Variants in ADAMTS19 observed in about 807,000 individuals in gnomAD.
ADAMTS19 encodes the protein A disintegrin and metalloproteinase with thrombospondin motifs 19.
Under a neutral mutation model 153.3 loss-of-function variants are expected in ADAMTS19, and 93 were observed. The observed-to-expected ratio is 0.61, with a 90% CI of 0.51 to 0.72. The LOEUF is 0.72. ADAMTS19 is among the 30% of genes least tolerant of loss of function. The pLI, the probability that ADAMTS19 is intolerant of heterozygous loss-of-function variation, is 0.00. For missense variants in ADAMTS19, 1,482 were observed against 1,552.1 expected (o/e 0.95, Z 0.76); for synonymous variants, 600 against 556.6 (o/e 1.08, Z -1.10).
At chr5:129,556,307 A>G (rs1187519152) in intron 7 of ADAMTS19, among the ~76,000 whole-genome samples, 6 of 152,218 alleles carry the variant, frequency 3.9e-5, no homozygotes, top group South Asian at 2.1e-4. Flanking sequence ...TGAATGGCTT[A>G]CCAGGGTTGT....
At chr5:129,493,357 T>C (rs900585500) in intron 2 of ADAMTS19, among the ~76,000 whole-genome samples, 6 of 135,554 alleles carry the variant, frequency 4.4e-5, no homozygotes, top group Admixed American at 1.5e-4. Flanking sequence ...CTTGTTTTTA[T>C]TTTTTTGTGA....
At chr5:129,578,909 CATGTGTCTTTAT>C (rs1166746251) in intron 7 of ADAMTS19, among the ~76,000 whole-genome samples, 2 of 152,110 alleles carry the variant, frequency 1.3e-5, no homozygotes, top group African/African-American at 4.8e-5. Flanking sequence ...CATACGTGTG[CATGTGTCTTTAT>C]AGTAGAATGA....
At chr5:129,548,740 A>G (rs1013659663) in intron 6 of ADAMTS19, among the ~76,000 whole-genome samples, 10 of 151,964 alleles carry the variant, frequency 6.6e-5, no homozygotes, top group Admixed American at 4.6e-4. Context: ...TGTTCATTGC[A>G]GCACTATTTA....
At chr5:129,494,933 A>G (rs1441943370) in intron 2 of ADAMTS19, among the ~76,000 whole-genome samples, 5 of 152,136 alleles carry the variant, frequency 3.3e-5, no homozygotes, top group African/African-American at 1.2e-4. Flanking sequence ...TAGTGAGAGT[A>G]AAAAACCATG....
intron 3 of ADAMTS19, among the ~76,000 whole-genome samples, chr5:129,525,521 T>C (rs1217889041): frequency 6.6e-6 from 1 of 152,090 alleles, no homozygotes. Flanking sequence ...AGCTCTTTAT[T>C]TCTTTATTCT....
chr5:129,486,310 C>T (rs1561535086), intron 2 of ADAMTS19, among the ~76,000 whole-genome samples: 1 of 152,102 alleles, frequency 6.6e-6, no homozygotes, highest in Non-Finnish European at 1.5e-5. Flanking sequence ...TATAATTCTA[C>T]ATGAACATAG....
chr5:129,703,475 A>G (rs1172307046), intron 20 of ADAMTS19, among the ~76,000 whole-genome samples: 1 of 152,186 alleles, frequency 6.6e-6, no homozygotes, highest in Non-Finnish European at 1.5e-5. Flanking sequence ...GCTCACACCT[A>G]TAATCCCAAC....
chr5:129,460,365 G>C lies in ADAMTS19; in HGVS notation c.-27G>C. The stretch of plus-strand genomic sequence containing the variant: ...ATCGCGCTGGAGGCGTGCGCCGGGC[G>C]AGAAGCCGCGGCCGCGGGAGCGCAG... On this transcript the variant is annotated 5_prime_UTR_variant, in exon 1 of 23. Coordinates refer to ENST00000274487, the MANE Select transcript of ADAMTS19 (RefSeq NM_133638.6). The C allele has an allele frequency of 6.2e-7, 1 of 1,603,366 alleles. No homozygotes were observed. The highest frequency in any genetic ancestry group is 8.5e-7 in the Non-Finnish European group (1 of 1,173,360).
chr5:129,622,646 A>G (rs1169911555), intron 10 of ADAMTS19, among the ~76,000 whole-genome samples: 2 of 152,186 alleles, frequency 1.3e-5, no homozygotes, highest in African/African-American at 2.4e-5. Flanking sequence ...TTTAAATCCC[A>G]TACAGTTTTC....
intron 3 of ADAMTS19, among the ~76,000 whole-genome samples, chr5:129,510,264 T>TCTACATCG (rs1751395875): frequency 6.6e-6 from 1 of 151,838 alleles, no homozygotes; most frequent in African/African-American, 2.4e-5. Context: ...AGAGGATGTC[T>TCTACATCG]ATATCATCGA....
chr5:129,608,112 G>GTATATATATATATATATATATATATA (rs1219945367), intron 8 of ADAMTS19, among the ~76,000 whole-genome samples: 1 of 31,830 alleles, frequency 3.1e-5, no homozygotes, highest in African/African-American at 6.7e-5. Context: ...GTGTGTGTGT[G>GTATATATATATATATATATATATATA]TGTGTATATA....
At chr5:129,593,605 C>G (rs1561590435) in intron 7 of ADAMTS19, among the ~76,000 whole-genome samples, 4 of 152,092 alleles carry the variant, frequency 2.6e-5, no homozygotes, top group Non-Finnish European at 1.5e-5. Flanking sequence ...TACTCATTCC[C>G]CATAGATCCC....
Position 129,468,786 on chromosome 5 carries a change from A to G in ADAMTS19, c.747+7029A>G, listed in dbSNP as rs1256237373. On this transcript the variant is annotated intron_variant, in intron 2 of 22. Transcript: ENST00000274487. ...TTCATATCTTTTACTTATTATTATT[A>G]TTATTTTAATGATGGATTCTTGTTC... 5.3e-5 allele frequency among the ~76,000 whole-genome samples: 8 copies of G among 151,704 alleles called. No homozygotes were observed. In the East Asian group the frequency reaches 1.5e-3, roughly 29 times the overall value.
At chr5:129,735,309 G>C (rs1377708874) in intron 22 of ADAMTS19, among the ~76,000 whole-genome samples, 200 bp downstream of exon 22, 2 of 151,980 alleles carry the variant, frequency 1.3e-5, no homozygotes, top group Non-Finnish European at 2.9e-5. Flanking sequence ...AAACTGCTTT[G>C]ATTCCCAAAG....
rs1751627050 is a variant in ADAMTS19 at position 129,516,794 on chromosome 5, T to G, written c.913+7552T>G. On this transcript the variant is annotated intron_variant, in intron 3 of 22. Transcript: ENST00000274487. ...GTATTTTTTATTTCAATTTCATTTA[T>G]TTCTGCTCTGATCTTTATTATTTCT... Among the ~76,000 whole-genome samples, 2 of 151,638 alleles carry G rather than the reference T, an allele frequency of 1.3e-5. 1 individual carries two copies. Among genetic ancestry groups the G allele is most frequent in the African/African-American group, 4.8e-5 (2 of 41,408 alleles).
chr5:129,731,215 C>T (rs767275856), intron 21 of ADAMTS19, among the ~76,000 whole-genome samples: 1 of 152,040 alleles, frequency 6.6e-6, no homozygotes, highest in Non-Finnish European at 1.5e-5. Flanking sequence ...GCCTCAGCCT[C>T]CCAAAGTGCT....
chr5:129,637,851 AAAC>A (rs1315711489), intron 10 of ADAMTS19, among the ~76,000 whole-genome samples: 4 of 152,146 alleles, frequency 2.6e-5, no homozygotes, highest in Admixed American at 6.6e-5. Flanking sequence ...TCTGTCTCCA[AAAC>A]AACAAGAACA....
rs1247698148 is a variant in ADAMTS19 at position 129,526,345 on chromosome 5, C to T, written c.975C>T (p.Tyr325=). ...AESGRGKRYS[Y]KLPQEYNIET... ...GTGGAAGAGGGAAACGATATTCATA[C>T]AAATTACCTCAAGAATACAACATAG... The change falls in exon 4 of 23, where the codon TAC becomes TAT. Residue 325 remains tyrosine (Y), a synonymous_variant. Transcript: ENST00000274487. The T allele has an allele frequency of 1.9e-6, 3 of 1,600,404 alleles. No homozygotes were observed. The highest frequency in any genetic ancestry group is 4.6e-5 in the East Asian group (2 of 43,536).
At chr5:129,646,580 A>T (rs1445323572) in intron 11 of ADAMTS19, among the ~76,000 whole-genome samples, 1 of 152,150 alleles carries the variant, frequency 6.6e-6, no homozygotes, top group African/African-American at 2.4e-5. Context: ...CTCTATTATT[A>T]TTACAGTTAG....
Sources: gnomAD v4.1 joint callset for allele counts (sites outside exome capture counted in the v4.1 genomes callset) on GRCh38, gnomAD v4.1.1 for gene constraint, MANE v1.5 for transcripts, NCBI Gene and HGNC (gene_info 2026-07-23, HGNC 2026-07-21) for gene names.